The following CBFA2T3 variants were observed in gnomAD, a reference collection of about 807,000 sequenced individuals.
CBFA2T3 encodes the protein CBFA2/RUNX1 partner transcriptional co-repressor 3, also known as transcriptional corepressor CBFA2T3.
In CBFA2T3, 31 loss-of-function variants were observed where a neutral mutation model predicts 58.6. The ratio of observed to expected loss-of-function variants is 0.53; its 90% CI spans 0.40 to 0.71. CBFA2T3 has a LOEUF of 0.71. Among genes scored for constraint, CBFA2T3 ranks in the 30% least tolerant of loss-of-function variants. The pLI is 0.00. For synonymous variants in CBFA2T3, 531 were observed against 421.9 expected, an observed-to-expected ratio of 1.26 and a Z score of -3.17; for missense variants, 1,076 against 963.1, an observed-to-expected ratio of 1.12 and a Z score of -1.55.
chr16:88,901,153 G>T (rs910985153), intron 2 of CBFA2T3, among the ~76,000 whole-genome samples: 1 of 152,266 alleles, frequency 6.6e-6, no homozygotes, highest in Non-Finnish European at 1.5e-5. Flanking sequence ...AGGCCTGCCG[G>T]ACGAGGCAGG....
chr16:88,914,748 T>G (rs1397350343), intron 1 of CBFA2T3, among the ~76,000 whole-genome samples: 1 of 152,138 alleles, frequency 6.6e-6, no homozygotes, highest in Non-Finnish European at 1.5e-5. Context: ...GAGCAAAGCC[T>G]GGAAAGGCTG....
At chr16:88,894,218 GCA>G (rs1969773437) in intron 3 of CBFA2T3, among the ~76,000 whole-genome samples, 3 of 66,932 alleles carry the variant, frequency 4.5e-5, no homozygotes, top group Non-Finnish European at 3.0e-5. Flanking sequence ...ACACATGCAC[GCA>G]CACATGCACA....
chr16:88,921,355 G>T (rs552231614), intron 1 of CBFA2T3, among the ~76,000 whole-genome samples: 1 of 152,334 alleles, frequency 6.6e-6, no homozygotes, highest in East Asian at 1.9e-4. Flanking sequence ...CAGGGAAGCC[G>T]AGCCGATCCT....
At chr16:88,902,187 T>A (rs539008923) in intron 1 of CBFA2T3, among the ~76,000 whole-genome samples, 1 of 152,190 alleles carries the variant, frequency 6.6e-6, no homozygotes, top group African/African-American at 2.4e-5. Context: ...GCTAGAAGGC[T>A]CCCCTGGGCT....
chr16:88,949,559 CAAA>C (rs1258443834), intron 1 of CBFA2T3, among the ~76,000 whole-genome samples: 4 of 85,354 alleles, frequency 4.7e-5, no homozygotes, highest in Non-Finnish European at 2.5e-5. Context: ...GACTCTGTCT[CAAA>C]AAAAAAAAAA....
At chr16:88,927,875 C>A (rs1411816067) in intron 1 of CBFA2T3, among the ~76,000 whole-genome samples, 2 of 152,202 alleles carry the variant, frequency 1.3e-5, no homozygotes, top group East Asian at 3.9e-4. Flanking sequence ...GATGGAAAGG[C>A]GCCTCGTGAC....
intron 1 of CBFA2T3, among the ~76,000 whole-genome samples, chr16:88,907,953 G>T (rs1203689389): frequency 6.6e-6 from 1 of 152,206 alleles, no homozygotes; most frequent in Non-Finnish European, 1.5e-5. Context: ...GAACTGGTCA[G>T]ATGTCTAAAG....
At chr16:88,913,811 T>G (rs1970603279) in intron 1 of CBFA2T3, among the ~76,000 whole-genome samples, 1 of 152,192 alleles carries the variant, frequency 6.6e-6, no homozygotes, top group South Asian at 2.1e-4. Flanking sequence ...AATTATCTAC[T>G]CGACACAAAA....
intron 1 of CBFA2T3, among the ~76,000 whole-genome samples, chr16:88,931,637 GTGGAGAAGGGCCGTGGGC>G (rs1294248823): frequency 6.6e-6 from 1 of 150,602 alleles, no homozygotes; most frequent in African/African-American, 2.5e-5. Flanking sequence ...CGAGCCAGAG[GTGGAGAAGGGCCGTGGGC>G]TGGCCCCATG....
intron 3 of CBFA2T3, among the ~76,000 whole-genome samples, chr16:88,896,787 C>A (rs1365774565): frequency 6.6e-6 from 1 of 152,204 alleles, no homozygotes; most frequent in Non-Finnish European, 1.5e-5. Flanking sequence ...CTGCCCACCG[C>A]CCCGGCCAGC....
intron 1 of CBFA2T3, among the ~76,000 whole-genome samples, chr16:88,915,406 G>C (rs1180766865): frequency 6.0e-5 from 4 of 66,354 alleles, no homozygotes; most frequent in Middle Eastern, 6.3e-3. Flanking sequence ...GGGGGAGCGT[G>C]GAGGGGGGAG....
chr16:88,890,726 A>G (rs962524525), intron 5 of CBFA2T3, among the ~76,000 whole-genome samples: 4 of 151,818 alleles, frequency 2.6e-5, no homozygotes, highest in Admixed American at 6.6e-5. Flanking sequence ...TCATTCATTC[A>G]TTCGTTCAGA....
intron 1 of CBFA2T3, among the ~76,000 whole-genome samples, chr16:88,905,749 C>A (rs915275191): frequency 1.9e-4 from 2 of 10,512 alleles, no homozygotes; most frequent in Non-Finnish European, 3.7e-4. Flanking sequence ...ACTGGAGGGG[C>A]GGGGCTGAAG....
chr16:88,934,894 C>G (rs976902171), intron 1 of CBFA2T3, among the ~76,000 whole-genome samples: 1 of 152,224 alleles, frequency 6.6e-6, no homozygotes, highest in Admixed American at 6.5e-5. Context: ...CGCCCGCCAC[C>G]ACGCCCGGCT....
chr16:88,887,637 A>G (rs1216752785), intron 5 of CBFA2T3, among the ~76,000 whole-genome samples: 1 of 152,126 alleles, frequency 6.6e-6, no homozygotes, highest in Non-Finnish European at 1.5e-5. Flanking sequence ...ATGTTTCCTC[A>G]AGGCCTGCGG....
chr16:88,881,966 G>A (rs1451537995), intron 8 of CBFA2T3, among the ~76,000 whole-genome samples: 1 of 152,244 alleles, frequency 6.6e-6, no homozygotes, highest in Non-Finnish European at 1.5e-5. Context: ...CCTCAAAGAG[G>A]CCTCGGCACT....
At chr16:88,902,971 CCCT>C (rs1970159419) in intron 1 of CBFA2T3, among the ~76,000 whole-genome samples, 1 of 152,146 alleles carries the variant, frequency 6.6e-6, no homozygotes, top group South Asian at 2.1e-4. Context: ...CTGCCCTGCA[CCCT>C]CCTCCTGTTA....
chr16:88,902,727 A>G (rs118020612), intron 1 of CBFA2T3, among the ~76,000 whole-genome samples: 2,246 of 152,346 alleles, frequency 0.015, 22 homozygotes, highest in Non-Finnish European at 0.024. Context: ...TGCCAAAGCA[A>G]GGCAGAAAGA....
chr16:88,969,593 C>G (rs185543880), intron 1 of CBFA2T3, among the ~76,000 whole-genome samples: 1 of 152,220 alleles, frequency 6.6e-6, no homozygotes, highest in South Asian at 2.1e-4. Flanking sequence ...CCACCATGGT[C>G]GGGTCCAGCC....
Sources: allele counts gnomAD v4.1 joint callset (sites outside exome capture counted in the v4.1 genomes callset), GRCh38; gene constraint gnomAD v4.1.1; transcripts MANE v1.5; gene names NCBI Gene and HGNC (gene_info 2026-07-23, HGNC 2026-07-21).